DENND1B: variants seen among roughly 807,000 people sequenced by gnomAD.
DENND1B encodes DENN domain containing 1B.
DENND1B carries 59 observed loss-of-function variants against 90.1 expected under a neutral mutation model. That is an observed-to-expected ratio of 0.65 (90% CI 0.53 to 0.81). The LOEUF is 0.81. Among genes scored for constraint, DENND1B ranks in the 40% least tolerant of loss-of-function variants. The probability of loss-of-function intolerance (pLI) is 0.00; values close to 1 mark genes in which losing one functional copy is unlikely to be tolerated. For synonymous variants in DENND1B, 337 were observed against 324.6 expected, an observed-to-expected ratio of 1.04 and a Z score of -0.41; for missense variants, 862 against 912.6, an observed-to-expected ratio of 0.94 and a Z score of 0.71.
At chr1:197,691,956 C>A (rs993949299) in intron 3 of DENND1B, among the ~76,000 whole-genome samples, 1 of 151,720 alleles carries the variant, frequency 6.6e-6, no homozygotes, top group Non-Finnish European at 1.5e-5. Context: ...CAGCCAGGGT[C>A]CGTGAGTAGA....
At position 197,548,825 on chromosome 1, in the gene DENND1B, G is replaced by A. The variant is rs114268841; in HGVS notation, c.1241-2052C>T. Among the ~76,000 whole-genome samples, 903 of 152,142 alleles carry A rather than the reference G, an allele frequency of 5.9e-3. 13 individuals carry two copies. The highest frequency in any genetic ancestry group is 0.02 in the African/African-American group (843 of 41,538). On this transcript the variant is annotated intron_variant, in intron 16 of 22. Transcript: ENST00000620048. The stretch of plus-strand genomic sequence containing the variant: ...AAGAAGGTTAATAGAGAGAATTACC[G>A]GTAATAATCTAAAATTTCATAGTAT...
At chr1:197,740,982 A>C (rs1338182047) in intron 2 of DENND1B, among the ~76,000 whole-genome samples, 2 of 152,216 alleles carry the variant, frequency 1.3e-5, no homozygotes, top group Non-Finnish European at 2.9e-5. Flanking sequence ...AATTTAGTAG[A>C]TCAAAAGATA....
At chr1:197,611,410 T>C (rs572423068) in intron 12 of DENND1B, among the ~76,000 whole-genome samples, 26 of 150,824 alleles carry the variant, frequency 1.7e-4, no homozygotes, top group African/African-American at 5.8e-4. Flanking sequence ...TGGAAAAAAA[T>C]TACTAAATTT....
chr1:197,670,189 T>C lies in DENND1B; in HGVS notation c.296+1848A>G, dbSNP rs544673261. Reference sequence around the variant, plus strand: ...CAATTTAAACAGAAATTCCTAAGAATATTTATTCCACAAGCACATTTATAG... The same window carrying C: ...CAATTTAAACAGAAATTCCTAAGAACATTTATTCCACAAGCACATTTATAG... On this transcript the variant is annotated intron_variant, in intron 5 of 22. Coordinates refer to ENST00000620048, the MANE Select transcript of DENND1B (RefSeq NM_001195215.2). Among the ~76,000 whole-genome samples, 10 of 152,294 alleles carry C rather than the reference T, an allele frequency of 6.6e-5. No individual in the cohort carries two copies. In the East Asian group the frequency reaches 1.3e-3, roughly 21 times the overall value.
intron 3 of DENND1B, among the ~76,000 whole-genome samples, chr1:197,683,093 A>G (rs1224809603): frequency 6.6e-6 from 1 of 152,168 alleles, no homozygotes; most frequent in Non-Finnish European, 1.5e-5. Flanking sequence ...TTAACCAGGA[A>G]GCAGCAGGAG....
Position 197,542,769 on chromosome 1 carries a change from C to G in DENND1B, c.1351-1754G>C, listed in dbSNP as rs532069918. Among the ~76,000 whole-genome samples, 42 of 152,112 alleles carry G rather than the reference C, an allele frequency of 2.8e-4. 1 individual carries two copies. In the South Asian group the frequency reaches 8.7e-3, roughly 32 times the overall value. On this transcript the variant is annotated intron_variant, in intron 18 of 22. Coordinates refer to ENST00000620048, the MANE Select transcript of DENND1B (RefSeq NM_001195215.2). The stretch of plus-strand genomic sequence containing the variant: ...GTTTTAGAAACAATTACAAAGATCA[C>G]AGAATGACTGACTTACCTGCCCCAA...
chr1:197,591,807 C>T (rs368926939), intron 14 of DENND1B, among the ~76,000 whole-genome samples: 1 of 151,948 alleles, frequency 6.6e-6, no homozygotes, highest in African/African-American at 2.4e-5. Flanking sequence ...GTTCAGGAAA[C>T]ATATCTTAAG....
intron 2 of DENND1B, among the ~76,000 whole-genome samples, chr1:197,730,630 G>A (rs977208516): frequency 7.2e-5 from 11 of 152,038 alleles, no homozygotes; most frequent in Non-Finnish European, 1.2e-4. Context: ...TTAAAGTAAA[G>A]GGCTACTTGA....
chr1:197,599,206 A>T (rs1480753896), intron 13 of DENND1B, among the ~76,000 whole-genome samples: 2 of 151,842 alleles, frequency 1.3e-5, no homozygotes, highest in African/African-American at 4.8e-5. Flanking sequence ...TAATTATACC[A>T]AAGGACAGTA....
At chr1:197,685,518 A>C (rs1657141362) in intron 3 of DENND1B, 1 of 152,226 alleles carries the variant, frequency 6.6e-6, no homozygotes, top group African/African-American at 2.4e-5. Flanking sequence ...GTGTACTAAA[A>C]AAAAATCAGG....
At chr1:197,744,425 T>C (rs1399641105) in intron 2 of DENND1B, among the ~76,000 whole-genome samples, 1 of 152,230 alleles carries the variant, frequency 6.6e-6, no homozygotes, top group Admixed American at 6.5e-5. Flanking sequence ...TTAAAACTTT[T>C]GTCTTCTTGT....
chr1:197,539,875 A>G (rs1670202507), intron 20 of DENND1B, 89 bp downstream of exon 20: 1 of 1,115,566 alleles, frequency 9.0e-7, no homozygotes. Flanking sequence ...AAGATAAAAA[A>G]TTAGTGGATC....
chr1:197,734,749 C>T (rs1449155196), intron 2 of DENND1B: 1 of 982,634 alleles, frequency 1.0e-6, no homozygotes, highest in Non-Finnish European at 1.2e-6. Context: ...TTACATACTC[C>T]ATAGAGTAAT....
chr1:197,636,440 A>T (rs1679801667), intron 10 of DENND1B, among the ~76,000 whole-genome samples: 1 of 152,174 alleles, frequency 6.6e-6, no homozygotes, highest in Non-Finnish European at 1.5e-5. Context: ...TAAGAGGCAA[A>T]ATTGCATAAA....
At chr1:197,522,949 G>A (rs1030519156) in intron 20 of DENND1B, among the ~76,000 whole-genome samples, 1 of 152,110 alleles carries the variant, frequency 6.6e-6, no homozygotes, top group Admixed American at 6.6e-5. Flanking sequence ...ATAGCTGAGC[G>A]TCTCAAAGAC....
intron 3 of DENND1B, among the ~76,000 whole-genome samples, chr1:197,699,709 CAA>C (rs1435897067): frequency 6.6e-6 from 1 of 152,152 alleles, no homozygotes; most frequent in African/African-American, 2.4e-5. Context: ...GCAACTTCAG[CAA>C]AGTCTCAGGA....
intron 2 of DENND1B, among the ~76,000 whole-genome samples, chr1:197,738,866 A>C (rs779001752): frequency 1.5e-4 from 23 of 152,244 alleles, no homozygotes; most frequent in Non-Finnish European, 2.2e-4. Context: ...ATTGGTCTTA[A>C]TATCTGGAGT....
chr1:197,549,357 A>T (rs1340450148), intron 16 of DENND1B, among the ~76,000 whole-genome samples: 2 of 152,130 alleles, frequency 1.3e-5, no homozygotes, highest in Non-Finnish European at 2.9e-5. Flanking sequence ...AATTCCTTTG[A>T]TACCTTAGTC....
At chr1:197,617,901 A>T (rs372287764) in intron 10 of DENND1B, 142 bp from the exon 11 acceptor site, 7 of 632,504 alleles carry the variant, frequency 1.1e-5, no homozygotes, top group East Asian at 8.9e-5. Context: ...TCACTTCTAC[A>T]TGTAAAAAGT....
Sources: gnomAD v4.1 joint callset for allele counts (sites outside exome capture counted in the v4.1 genomes callset) on GRCh38, gnomAD v4.1.1 for gene constraint, MANE v1.5 for transcripts, NCBI Gene and HGNC (gene_info 2026-07-23, HGNC 2026-07-21) for gene names.